SNTG1: variants seen among roughly 807,000 people sequenced by gnomAD.
SNTG1 encodes gamma-1-syntrophin.
A neutral mutation model predicts 74.7 loss-of-function variants in SNTG1; 39 were observed. That is an observed-to-expected ratio of 0.52 (90% confidence interval 0.40 to 0.68). SNTG1 has a LOEUF of 0.68. SNTG1 is among the 30% of genes least tolerant of loss of function. The pLI, the probability that SNTG1 is intolerant of heterozygous loss-of-function variation, is 0.00. For missense variants in SNTG1, 685 were observed against 609.5 expected (o/e 1.12, Z -1.30); for synonymous variants, 254 against 217.1 (o/e 1.17, Z -1.49).
At chr8:50,469,930 A>G (rs964148513) in intron 8 of SNTG1, among the ~76,000 whole-genome samples, 3 of 152,190 alleles carry the variant, frequency 2.0e-5, no homozygotes, top group Admixed American at 2.0e-4. Flanking sequence ...ATGAGCCAAG[A>G]TGGTGCCACT....
chr8:50,065,111 C>T (rs181781925), intron 1 of SNTG1, among the ~76,000 whole-genome samples: 14 of 152,172 alleles, frequency 9.2e-5, no homozygotes, highest in Admixed American at 3.9e-4. Context: ...TTAGGTTTTA[C>T]ATCACCAGCT....
intron 2 of SNTG1, among the ~76,000 whole-genome samples, chr8:50,249,139 T>G (rs2086531153): frequency 6.6e-6 from 1 of 152,112 alleles, no homozygotes; most frequent in Non-Finnish European, 1.5e-5. Flanking sequence ...TTGGTCTTCA[T>G]CACTGCCAGA....
chr8:50,273,879 G>A (rs2087928619), intron 2 of SNTG1, among the ~76,000 whole-genome samples: 1 of 152,158 alleles, frequency 6.6e-6, no homozygotes, highest in African/African-American at 2.4e-5. Flanking sequence ...TGGAATGGCA[G>A]TATGAAAAGA....
intron 4 of SNTG1, among the ~76,000 whole-genome samples, chr8:50,436,745 G>A (rs565044239): frequency 3.8e-4 from 57 of 151,832 alleles, no homozygotes; most frequent in Non-Finnish European, 6.5e-4. Flanking sequence ...TTAATTATTC[G>A]ACAGATTGCA....
At chr8:50,465,486 CTT>C (rs951851352) in intron 8 of SNTG1, among the ~76,000 whole-genome samples, 6 of 152,132 alleles carry the variant, frequency 3.9e-5, no homozygotes, top group African/African-American at 1.4e-4. Flanking sequence ...GAAGTTAACT[CTT>C]TGATTGTAAA....
At chr8:50,347,592 T>G (rs1352727643) in intron 2 of SNTG1, among the ~76,000 whole-genome samples, 1 of 152,208 alleles carries the variant, frequency 6.6e-6, no homozygotes, top group Non-Finnish European at 1.5e-5. Context: ...ATGCTACAGC[T>G]GCCAAGATAA....
At chr8:50,117,868 G>A (rs2080875237) in intron 1 of SNTG1, among the ~76,000 whole-genome samples, 1 of 151,888 alleles carries the variant, frequency 6.6e-6, no homozygotes, top group Admixed American at 6.6e-5. Flanking sequence ...GTTATGTTTG[G>A]TTTTGCTTCA....
At chr8:50,426,264 A>G (rs1369521611) in intron 4 of SNTG1, among the ~76,000 whole-genome samples, 2 of 152,156 alleles carry the variant, frequency 1.3e-5, no homozygotes, top group Non-Finnish European at 2.9e-5. Context: ...GACACTGTAT[A>G]AGAATTCATT....
At chr8:50,057,188 G>T (rs1057465179) in intron 1 of SNTG1, among the ~76,000 whole-genome samples, 1 of 151,998 alleles carries the variant, frequency 6.6e-6, no homozygotes, top group Non-Finnish European at 1.5e-5. Flanking sequence ...TCAGAACGTG[G>T]TGTTCTCCTA....
chr8:49,977,167 T>C (rs1812269110), intron 1 of SNTG1, among the ~76,000 whole-genome samples: 1 of 152,002 alleles, frequency 6.6e-6, no homozygotes, highest in South Asian at 2.1e-4. Context: ...TAAGGATGAA[T>C]GACAAGTCCT....
intron 18 of SNTG1, among the ~76,000 whole-genome samples, chr8:50,768,252 T>G (rs1422630714): frequency 3.3e-5 from 5 of 152,060 alleles, no homozygotes; most frequent in Non-Finnish European, 7.4e-5. Context: ...AATACTACTT[T>G]CTGGCTAGTC....
At chr8:49,930,706 G>A (rs1807499499) in intron 1 of SNTG1, among the ~76,000 whole-genome samples, 1 of 151,928 alleles carries the variant, frequency 6.6e-6, no homozygotes, top group Non-Finnish European at 1.5e-5. Context: ...ACCACAGTAA[G>A]CACATTAACG....
chr8:49,912,004 G>A lies in SNTG1; in HGVS notation c.-330G>A, dbSNP rs913899690. 2.0e-5 allele frequency: 3 copies of A among 152,368 alleles called. No individual in the cohort carries two copies. Among genetic ancestry groups the A allele is most frequent in the Non-Finnish European group, 2.9e-5 (2 of 68,170 alleles). The allele number at this position is 152,368 out of a possible 1,614,324, so 9.4% of individuals were successfully genotyped here. The stretch of plus-strand genomic sequence containing the variant: ...GAATCATTTTTCTATAGGGGTCTGG[G>A]AGGAATTCTGGAGGAGAGTAAAGTC... On this transcript the variant is annotated 5_prime_UTR_variant, in exon 1 of 19. Coordinates refer to ENST00000642720, the MANE Select transcript of SNTG1 (RefSeq NM_018967.5).
rs577584080 is a variant in SNTG1 at position 50,650,043 on chromosome 8, G to C, written c.850-6866G>C. Among the ~76,000 whole-genome samples the C allele has an allele frequency of 8.6e-5, 13 of 151,584 alleles. No individual in the cohort carries two copies. The South Asian group carries it at 2.7e-3, about 32-fold the overall frequency. Reference sequence around the variant, plus strand: ...AGAAAATCATTGATTGTTAGTGGTGGTAGTGTATATTCCTGTATTGTTACT... The same window carrying C: ...AGAAAATCATTGATTGTTAGTGGTGCTAGTGTATATTCCTGTATTGTTACT... On this transcript the variant is annotated intron_variant, in intron 13 of 18. Transcript: ENST00000642720.
intron 2 of SNTG1, among the ~76,000 whole-genome samples, chr8:50,264,235 G>A (rs891200332): frequency 2.6e-5 from 4 of 152,010 alleles, no homozygotes; most frequent in African/African-American, 9.7e-5. Flanking sequence ...TTAAAAAGCA[G>A]AAGAATCTCA....
chr8:50,656,287 T>C (rs2095180210), intron 13 of SNTG1, among the ~76,000 whole-genome samples: 1 of 152,192 alleles, frequency 6.6e-6, no homozygotes, highest in Non-Finnish European at 1.5e-5. Context: ...ACAAAATCTT[T>C]GTTTGGAAAT....
At chr8:50,154,699 G>C (rs1252831291) in intron 1 of SNTG1, among the ~76,000 whole-genome samples, 1 of 152,036 alleles carries the variant, frequency 6.6e-6, no homozygotes, top group East Asian at 1.9e-4. Context: ...AACCAAAATT[G>C]CAACCATCTA....
chr8:50,394,373 G>A, intron 3 of SNTG1, 108 bp downstream of exon 3: 3 of 1,071,116 alleles, frequency 2.8e-6, no homozygotes, highest in Non-Finnish European at 4.1e-6. Flanking sequence ...AAAATGGAGA[G>A]AGGAGGATGG....
chr8:50,178,199 C>G (rs534871671), intron 2 of SNTG1, among the ~76,000 whole-genome samples: 1 of 152,194 alleles, frequency 6.6e-6, no homozygotes, highest in African/African-American at 2.4e-5. Flanking sequence ...AGTAGCATAA[C>G]TGCTGCATCA....
Sources: gnomAD v4.1 joint callset for allele counts (sites outside exome capture counted in the v4.1 genomes callset) on GRCh38, gnomAD v4.1.1 for gene constraint, MANE v1.5 for transcripts, NCBI Gene and HGNC (gene_info 2026-07-23, HGNC 2026-07-21) for gene names.